The following MATR3 variants were observed in gnomAD, a reference collection of about 807,000 sequenced individuals.
MATR3 encodes matrin-3.
MATR3 carries 4 observed loss-of-function variants against 85.5 expected under a neutral mutation model. The observed-to-expected ratio is 0.05, with a 90% CI of 0.02 to 0.11. MATR3 has a LOEUF of 0.11. Among genes scored for constraint, MATR3 ranks in the 10% least tolerant of loss-of-function variants. The pLI is 1.00. For missense variants in MATR3, 685 were observed against 1,016.1 expected (o/e 0.67, Z 4.43); for synonymous variants, 336 against 343.1 (o/e 0.98, Z 0.23).
chr5:139,330,481 T>C lies in MATR3; in HGVS notation c.*1086T>C, dbSNP rs771281653. On this transcript the variant is annotated 3_prime_UTR_variant, in exon 15 of 15. Coordinates refer to ENST00000394805, the MANE Select transcript of MATR3 (RefSeq NM_018834.6). ...GTGGTTTTTATTCGCTCTTAAACTTTGTGCATGCTTTAACAATTTATTACT... is the reference window on the plus strand; with the variant it reads ...GTGGTTTTTATTCGCTCTTAAACTTCGTGCATGCTTTAACAATTTATTACT... 4.0e-5 allele frequency: 18 copies of C among 454,218 alleles called. No individual in the cohort carries two copies. The highest frequency in any genetic ancestry group is 2.8e-4 in the South Asian group (18 of 64,484). The allele number at this position is 454,218 out of a possible 1,614,324, so 28.1% of individuals were successfully genotyped here.
In MATR3 at chr5:139,330,415, G is replaced by A. The variant is rs1298177480; in HGVS notation, c.*1020G>A. ...AGAAAACCCTAGGCCATGTTAATTG[G>A]TTATACATGTTTGGAATGTTAACCA... is the stretch of plus-strand genomic sequence containing the variant. On this transcript the variant is annotated 3_prime_UTR_variant, in exon 15 of 15. Transcript: ENST00000394805. 2.2e-6 allele frequency: 1 copy of A among 454,372 alleles called. No homozygotes were observed. Among genetic ancestry groups the A allele is most frequent in the Non-Finnish European group, 4.4e-6 (1 of 226,726 alleles). 28.1% of individuals were successfully genotyped at this position (454,372 alleles called of 1,614,324 possible).
rs1756054653 is a variant in MATR3, at chr5:139,329,968, G to A, written c.*573G>A. ...TTGTTTAGGTAATAAGAAATATTAA[G>A]TAATTGGCTTTAGATTTTGTAATTT... On this transcript the variant is annotated 3_prime_UTR_variant, in exon 15 of 15. Transcript: ENST00000394805. The A allele has an allele frequency of 2.2e-6, 1 of 453,798 alleles. No homozygotes were observed. The highest frequency in any genetic ancestry group is 1.6e-5 in the South Asian group (1 of 64,342). 28.1% of individuals were successfully genotyped at this position (453,798 alleles called of 1,614,324 possible). A position where few individuals can be genotyped will look rare whatever the true frequency, so the allele number is the denominator to read the frequency against.
chr5:139,325,765 G>A, intron 13 of MATR3, 103 bp downstream of exon 13: 3 of 1,016,986 alleles, frequency 2.9e-6, no homozygotes, highest in Non-Finnish European at 4.5e-6. Context: ...AGCTGTGATA[G>A]CATTTTAAAT....
chr5:139,319,233 G>A (rs1382519688), intron 8 of MATR3, 101 bp from the exon 9 acceptor site: 14 of 1,364,442 alleles, frequency 1.0e-5, no homozygotes, highest in African/African-American at 1.0e-4. Context: ...GCAAGACCTC[G>A]TCTCTATAAA....
At chr5:139,305,048 A>G (rs913680822) in intron 1 of MATR3, among the ~76,000 whole-genome samples, 2 of 152,200 alleles carry the variant, frequency 1.3e-5, no homozygotes, top group African/African-American at 4.8e-5. Context: ...AATCTAACTT[A>G]AGTTGCTTTT....
rs1183626149 is a variant in MATR3 at position 139,308,047 on chromosome 5, C to G, written c.632C>G (p.Ser211Cys). The change falls in exon 2 of 15, where the codon TCT becomes TGT. Residue 211 changes from serine to cysteine, a missense_variant. Ser to Cys is a moderately radical substitution (Grantham distance 112). Around this residue, in one of 9 missense-constraint regions of MATR3, gnomAD observed 223 missense variants for 334.4 expected, o/e 0.67. Coordinates refer to ENST00000394805, the MANE Select transcript of MATR3 (RefSeq NM_018834.6). ...DYDHGSRSQE[S>C]GYYDRMDYED... ...GACCATGGAAGTCGTTCTCAAGAAT[C>G]TGGTTATTATGACAGAATGGATTAT... 2 of 1,613,976 alleles carry G rather than the reference C, an allele frequency of 1.2e-6. No individual in the cohort carries two copies. Among genetic ancestry groups the G allele is most frequent in the Admixed American group, 1.7e-5 (1 of 59,988 alleles).
chr5:139,302,650 C>T (rs1254242453), intron 1 of MATR3, among the ~76,000 whole-genome samples: 2 of 152,134 alleles, frequency 1.3e-5, no homozygotes, highest in Non-Finnish European at 2.9e-5. Context: ...TGATTTATGA[C>T]AAAAATCAAG....
At chr5:139,319,860 CTTTTTTT>C (rs58123057) in intron 9 of MATR3, among the ~76,000 whole-genome samples, 64 of 44,162 alleles carry the variant, frequency 1.4e-3, no homozygotes, top group Non-Finnish European at 2.4e-3. Flanking sequence ...AAAAAATTTG[CTTTTTTT>C]TTTTTTTTTT....
chr5:139,318,416 C>T (rs1454964490), intron 7 of MATR3, among the ~76,000 whole-genome samples: 2 of 151,504 alleles, frequency 1.3e-5, no homozygotes, highest in Admixed American at 6.6e-5. Flanking sequence ...TTACAGGCGT[C>T]GGCCATTACA....
rs369645484 is a variant in MATR3, at chr5:139,279,251, C to T, written c.-178+122C>T. ...TATCAGACTTTTTTTTGGGGGGGGACGGAGTCTTGCTCAGTTGCCCAGGCT... is the reference window on the plus strand; with the variant it reads ...TATCAGACTTTTTTTTGGGGGGGGATGGAGTCTTGCTCAGTTGCCCAGGCT... On this transcript the variant is annotated intron_variant, in intron 3 of 16. Coordinates refer to ENST00000509990, the Ensembl canonical transcript of MATR3. 1.1e-4 allele frequency: 47 copies of T among 435,446 alleles called. No homozygotes were observed. The East Asian group carries it at 1.3e-3, about 12-fold the overall frequency. 27.0% of individuals were successfully genotyped at this position (435,446 alleles called of 1,614,324 possible). A position where few individuals can be genotyped will look rare whatever the true frequency, so the allele number is the denominator to read the frequency against.
intron 1 of MATR3, among the ~76,000 whole-genome samples, chr5:139,274,942 G>A (rs1753214111): frequency 6.6e-6 from 1 of 151,668 alleles, no homozygotes; most frequent in African/African-American, 2.4e-5. Context: ...TGGTGACTGT[G>A]TAGGAATATT....
intron 14 of MATR3, among the ~76,000 whole-genome samples, chr5:139,327,237 G>C (rs2152027376): frequency 6.6e-6 from 1 of 150,966 alleles, no homozygotes; most frequent in Non-Finnish European, 1.5e-5. Context: ...GTTCTCTGTT[G>C]ACTAAATGGA....
At chr5:139,325,394 A>G in intron 12 of MATR3, 46 bp from the exon 13 acceptor site, 2 of 1,613,752 alleles carry the variant, frequency 1.2e-6, no homozygotes, top group African/African-American at 2.7e-5. Context: ...CGGGCATGGC[A>G]TTTAAATCTG....
chr5:139,282,554 A>C (rs1027393751), intron 3 of MATR3, among the ~76,000 whole-genome samples: 2 of 152,252 alleles, frequency 1.3e-5, no homozygotes, highest in African/African-American at 4.8e-5. Flanking sequence ...TTTATAGAAA[A>C]GTTGGGAAGA....
intron 3 of MATR3, 28 bp from the exon 4 acceptor site, chr5:139,315,669 T>TA: frequency 6.5e-7 from 1 of 1,549,494 alleles, no homozygotes; most frequent in Non-Finnish European, 8.9e-7. Flanking sequence ...AGTTTTATTT[T>TA]AAAGTTAATT....
intron 1 of MATR3, among the ~76,000 whole-genome samples, chr5:139,298,433 G>A (rs1754273287): frequency 2.0e-5 from 3 of 152,124 alleles, no homozygotes; most frequent in Admixed American, 1.3e-4. Flanking sequence ...TTAGCGGGTC[G>A]TGATGGCGCG....
rs1317139358 is a variant in MATR3, at chr5:139,315,876, T to C, written c.1016+138T>C. The C allele has an allele frequency of 3.7e-5, 30 of 813,746 alleles. No individual in the cohort carries two copies. In the South Asian group the frequency reaches 4.2e-4, roughly 11 times the overall value. 50.4% of individuals were successfully genotyped at this position (813,746 alleles called of 1,614,324 possible). The stretch of plus-strand genomic sequence containing the variant: ...GAGACTTTGATAAAATTCACTTTGG[T>C]TAACAATTTTTAGAATATATATTAT... On this transcript the variant is annotated intron_variant, in intron 4 of 14. Transcript: ENST00000394805.
upstream of MATR3, among the ~76,000 whole-genome samples, chr5:139,292,856 T>C (rs911952389): frequency 6.6e-6 from 1 of 152,034 alleles, no homozygotes; most frequent in Non-Finnish European, 1.5e-5. Flanking sequence ...GGCAGGAGAA[T>C]GGCGTGAACC....
chr5:139,275,725 G>C (rs1203527891), intron 1 of MATR3, among the ~76,000 whole-genome samples: 1 of 152,172 alleles, frequency 6.6e-6, no homozygotes, highest in Non-Finnish European at 1.5e-5. Context: ...AGAATCACTT[G>C]AGCCCAGGAA....
Sources: allele counts gnomAD v4.1 joint callset (sites outside exome capture counted in the v4.1 genomes callset), GRCh38; gene constraint gnomAD v4.1.1; regional missense constraint gnomAD v4.1.1; transcripts MANE v1.5; gene names NCBI Gene and HGNC (gene_info 2026-07-23, HGNC 2026-07-21).